Variants in PLXNA2 observed in about 807,000 individuals in gnomAD.
The protein encoded by PLXNA2 is plexin A2.
A neutral mutation model predicts 193.5 loss-of-function variants in PLXNA2; 91 were observed. The ratio of observed to expected loss-of-function variants is 0.47; its 90% CI spans 0.40 to 0.56. PLXNA2 has a LOEUF of 0.56. PLXNA2 is among the 20% of genes least tolerant of loss of function. The probability of loss-of-function intolerance (pLI) is 0.00; values close to 1 mark genes in which losing one functional copy is unlikely to be tolerated. For synonymous variants in PLXNA2, 997 were observed against 1,027.3 expected (o/e 0.97, Z 0.56); for missense variants, 1,995 against 2,503.2 (o/e 0.80, Z 4.33).
At chr1:208,149,688 A>G (rs1668698490) in intron 3 of PLXNA2, among the ~76,000 whole-genome samples, 1 of 151,902 alleles carries the variant, frequency 6.6e-6, no homozygotes, top group South Asian at 2.1e-4. Context: ...GTGTATCTGG[A>G]GTTGAGCATT....
At chr1:208,078,339 G>A (rs186045261) in intron 12 of PLXNA2, among the ~76,000 whole-genome samples, 259 of 152,286 alleles carry the variant, frequency 1.7e-3, no homozygotes, top group Non-Finnish European at 2.5e-3. Flanking sequence ...TCATAGAGAC[G>A]TTCTAGAAGT....
intron 3 of PLXNA2, among the ~76,000 whole-genome samples, chr1:208,187,973 T>C (rs1670060104): frequency 1.3e-5 from 2 of 152,008 alleles, no homozygotes; most frequent in East Asian, 3.9e-4. Flanking sequence ...AGAACTGGGG[T>C]GATTTCCCCA....
rs113474203 is a variant in PLXNA2 at position 208,038,501 on chromosome 1, C to A, written c.4661-27G>T. The A allele has an allele frequency of 6.4e-7, 1 of 1,563,214 alleles. No homozygotes were observed. The highest frequency in any genetic ancestry group is 8.8e-7 in the Non-Finnish European group (1 of 1,133,804). ...TGGGTGGAGGGGGTGGTGCAGGGAG[C>A]GGCGTGAGAGGGATGAGGGCTGTGA... On this transcript the variant is annotated intron_variant, in intron 25 of 31. Coordinates refer to ENST00000367033, the MANE Select transcript of PLXNA2 (RefSeq NM_025179.4). The surrounding 1 kb of genome is among the most constrained non-coding windows in gnomAD (Gnocchi z 4.1).
At chr1:208,057,934 C>G (rs1665488887) in intron 13 of PLXNA2, among the ~76,000 whole-genome samples, 1 of 152,190 alleles carries the variant, frequency 6.6e-6, no homozygotes, top group East Asian at 1.9e-4. Context: ...TCCTAAATAC[C>G]TGTTTTCCAG....
At chr1:208,170,643 T>C (rs1355178124) in intron 3 of PLXNA2, among the ~76,000 whole-genome samples, 2 of 152,252 alleles carry the variant, frequency 1.3e-5, no homozygotes, top group Non-Finnish European at 2.9e-5. Flanking sequence ...ATAGGTTTCA[T>C]GGTATGATTT....
At position 208,236,401 on chromosome 1, in the gene PLXNA2, C is replaced by G. The variant is rs1416811981; in HGVS notation, c.-81+7242G>C. Among the ~76,000 whole-genome samples, 1 of 152,140 alleles carries G rather than the reference C, an allele frequency of 6.6e-6. No individual in the cohort carries two copies. The highest frequency in any genetic ancestry group is 2.4e-5 in the African/African-American group (1 of 41,394). ...AACCACTTCAAAGCAGCAACATCCC[C>G]TCTTGCCACTTCTGTCTGCCCGCTG... On this transcript the variant is annotated intron_variant, in intron 1 of 31. Coordinates refer to ENST00000367033, the MANE Select transcript of PLXNA2 (RefSeq NM_025179.4). This position sits in a 1 kb window ranked among gnomAD's most constrained non-coding sequence, Gnocchi z 4.4.
intron 13 of PLXNA2, among the ~76,000 whole-genome samples, chr1:208,058,771 C>T (rs571488317): frequency 7.9e-5 from 12 of 152,296 alleles, no homozygotes; most frequent in African/African-American, 2.6e-4. Flanking sequence ...CTTTCTTCCC[C>T]GTGGCCCTGG....
chr1:208,176,319 T>C (rs1291209089), intron 3 of PLXNA2, among the ~76,000 whole-genome samples: 4 of 152,158 alleles, frequency 2.6e-5, no homozygotes, highest in Non-Finnish European at 5.9e-5. Flanking sequence ...CCTTCTTTAC[T>C]CCTCAAATTA....
intron 4 of PLXNA2, among the ~76,000 whole-genome samples, chr1:208,141,227 G>A (rs1668448040): frequency 6.6e-6 from 1 of 152,130 alleles, no homozygotes; most frequent in Admixed American, 6.5e-5. Context: ...TAATGCTGTC[G>A]TGTGCACACT....
Position 208,096,792 on chromosome 1 carries a change from C to T in PLXNA2, c.1823G>A (p.Gly608Glu), listed in dbSNP as rs1213075754. The change falls in exon 7 of 32, where the codon GGG (glycine) becomes GAG (glutamate). Residue 608 changes from glycine to glutamate, a missense_variant. Coordinates refer to ENST00000367033, the MANE Select transcript of PLXNA2 (RefSeq NM_025179.4). ...AGGTGAGATGCAGATGACCTGGCTC[C>T]CGGACACCTGCCCCTCCACCTCTGT... ...NLTEVEGQVS[G>E]SQVICISPGP... 3 of 1,613,950 alleles carry T rather than the reference C, an allele frequency of 1.9e-6. No individual in the cohort carries two copies. The highest frequency in any genetic ancestry group is 2.7e-5 in the African/African-American group (2 of 74,892).
chr1:208,086,726 T>A (rs1371759141), intron 9 of PLXNA2, among the ~76,000 whole-genome samples: 1 of 149,268 alleles, frequency 6.7e-6, no homozygotes, highest in Non-Finnish European at 1.5e-5. Flanking sequence ...ACTTGCTCTT[T>A]ACTGCACTTT....
chr1:208,195,812 G>T (rs529491446), intron 3 of PLXNA2, among the ~76,000 whole-genome samples: 11 of 152,052 alleles, frequency 7.2e-5, no homozygotes, highest in Non-Finnish European at 1.2e-4. Context: ...ATTTGATGGT[G>T]GGGGGAGGTT....
At chr1:208,168,793 C>T (rs1669398603) in intron 3 of PLXNA2, among the ~76,000 whole-genome samples, 1 of 124,984 alleles carries the variant, frequency 8.0e-6, no homozygotes, top group African/African-American at 3.0e-5. Context: ...TGGCTCAACA[C>T]AGTTCTAATG....
chr1:208,187,551 T>C (rs1467053847), intron 3 of PLXNA2, among the ~76,000 whole-genome samples: 1 of 152,222 alleles, frequency 6.6e-6, no homozygotes, highest in Non-Finnish European at 1.5e-5. Flanking sequence ...TCCCTAAAGC[T>C]GACTCATGAA....
chr1:208,033,855 G>C (rs1261372291), intron 27 of PLXNA2, among the ~76,000 whole-genome samples: 1 of 152,188 alleles, frequency 6.6e-6, no homozygotes, highest in Non-Finnish European at 1.5e-5. Flanking sequence ...TAGAAATCTG[G>C]ATACTAAAGA....
intron 4 of PLXNA2, among the ~76,000 whole-genome samples, chr1:208,106,013 C>G (rs1667259506): frequency 6.6e-6 from 1 of 151,964 alleles, no homozygotes; most frequent in East Asian, 1.9e-4. Flanking sequence ...CTGTTCTTCT[C>G]CAAACATGAA....
At position 208,060,694 on chromosome 1, in the gene PLXNA2, G is replaced by C; in HGVS notation, c.2730C>G (p.Ile910Met). 1 of 1,613,526 alleles carries C rather than the reference G, an allele frequency of 6.2e-7. No homozygotes were observed. Among genetic ancestry groups the C allele is most frequent in the East Asian group, 2.2e-5 (1 of 44,848 alleles). Reference protein sequence around the residue: ...PCTPLPGEYIIAEQIVCEMGH... With the variant: ...PCTPLPGEYIMAEQIVCEMGH... ...GGCCAGGGCGGACTCACTGCTCAGCGATGATGTATTCCCCTGGGAGGGGCG... is the reference window on the plus strand; with the variant it reads ...GGCCAGGGCGGACTCACTGCTCAGCCATGATGTATTCCCCTGGGAGGGGCG... Residue 910 changes from isoleucine (I) to methionine (M), a missense_variant, in exon 13 of 32, where the codon ATC becomes ATG. Transcript: ENST00000367033.
Position 208,216,753 on chromosome 1 carries a change from G to C in PLXNA2, c.1170C>G (p.Asp390Glu). ...NLELNWLLGK[D>E]VQCTKAPVPI... The stretch of plus-strand genomic sequence containing the variant: ...TCCTTACCGCCTTGGTGCACTGGAC[G>C]TCCTTCCCCAGCAGCCAGTTGAGCT... Residue 390 changes from aspartate to glutamate, a missense_variant, in exon 2 of 32, where the codon GAC becomes GAG. Physicochemically the swap from Asp to Glu is conservative, Grantham distance 45 (BLOSUM62 2). Coordinates refer to ENST00000367033, the MANE Select transcript of PLXNA2 (RefSeq NM_025179.4). The C allele has an allele frequency of 6.2e-7, 1 of 1,613,322 alleles. No individual in the cohort carries two copies. The highest frequency in any genetic ancestry group is 8.5e-7 in the Non-Finnish European group (1 of 1,179,894).
At chr1:208,079,047 T>C (rs1322066567) in intron 12 of PLXNA2, among the ~76,000 whole-genome samples, 2 of 152,236 alleles carry the variant, frequency 1.3e-5, no homozygotes, top group Non-Finnish European at 2.9e-5. Flanking sequence ...TGTACATTCA[T>C]GCGCAGGCAT....
Sources: gnomAD v4.1 joint callset for allele counts (sites outside exome capture counted in the v4.1 genomes callset) on GRCh38, gnomAD v4.1.1 for gene constraint, Gnocchi (gnomAD v3.1) non-coding constraint, MANE v1.5 for transcripts, NCBI Gene and HGNC (gene_info 2026-07-23, HGNC 2026-07-21) for gene names.